Variants in MAP2 observed in about 807,000 individuals in gnomAD.
The protein encoded by MAP2 is microtubule-associated protein 2.
Under a neutral mutation model 137.6 loss-of-function variants are expected in MAP2, and 14 were observed. The ratio of observed to expected loss-of-function variants is 0.10; its 90% confidence interval spans 0.07 to 0.16. The LOEUF (loss-of-function observed/expected upper bound fraction) is 0.16. Among genes scored for constraint, MAP2 ranks in the 10% least tolerant of loss-of-function variants. MAP2 has a pLI of 1.00. For synonymous variants in MAP2, 786 were observed against 782.3 expected, an observed-to-expected ratio of 1.00 and a Z score of -0.08; for missense variants, 2,088 against 2,191.5, an observed-to-expected ratio of 0.95 and a Z score of 0.94.
chr2:209,662,246 T>C (rs1464928301), intron 5 of MAP2, among the ~76,000 whole-genome samples: 1 of 152,220 alleles, frequency 6.6e-6, no homozygotes, highest in African/African-American at 2.4e-5. Flanking sequence ...CACATGTACT[T>C]CTATGTGTGT....
intron 13 of MAP2, chr2:209,723,708 G>A (rs757572663): frequency 5.0e-6 from 8 of 1,587,266 alleles, no homozygotes; most frequent in Non-Finnish European, 6.9e-6. Context: ...GCGCCTTTTA[G>A]AAAGCTGTCC....
chr2:209,519,856 A>G lies in MAP2; in HGVS notation c.-172+12215A>G, dbSNP rs186106908. Among the ~76,000 whole-genome samples, 6 of 151,982 alleles carry G rather than the reference A, an allele frequency of 3.9e-5. No homozygotes were observed. In the East Asian group the frequency reaches 1.2e-3, roughly 29 times the overall value. On this transcript the variant is annotated intron_variant, in intron 2 of 15. Coordinates refer to ENST00000682079, the MANE Select transcript of MAP2 (RefSeq NM_001375505.1). ...GAAAGATTGAAGTAAGATGATCACT[A>G]CTCCTTCACACTCATAGTAACTTGA...
chr2:209,690,527 T>A (rs1397325896), intron 7 of MAP2: 1 of 1,121,726 alleles, frequency 8.9e-7, no homozygotes. Flanking sequence ...GAGCTGAAAG[T>A]GTTCCTTTAG....
chr2:209,483,859 C>CA (rs1226876628), intron 1 of MAP2, among the ~76,000 whole-genome samples: 25 of 152,062 alleles, frequency 1.6e-4, no homozygotes, highest in Admixed American at 1.2e-3. Flanking sequence ...TTAAATGGGA[C>CA]ACATGGAGCC....
intron 2 of MAP2, among the ~76,000 whole-genome samples, chr2:209,539,325 G>C (rs549034608): frequency 4.3e-4 from 65 of 152,282 alleles, no homozygotes; most frequent in African/African-American, 1.4e-3. Context: ...GTAGTGAATT[G>C]TTGGGTCTAA....
intron 1 of MAP2, among the ~76,000 whole-genome samples, chr2:209,462,278 G>A (rs1703013879): frequency 6.6e-6 from 1 of 152,120 alleles, no homozygotes; most frequent in Non-Finnish European, 1.5e-5. Context: ...ACCTTATCGG[G>A]CAAGATCAGA....
chr2:209,681,851 C>A (rs976421846), intron 7 of MAP2, among the ~76,000 whole-genome samples: 6 of 151,964 alleles, frequency 3.9e-5, no homozygotes, highest in African/African-American at 9.7e-5. Flanking sequence ...AATTAGTGAA[C>A]CATATATTAT....
At chr2:209,631,885 T>C (rs2093094318) in intron 4 of MAP2, among the ~76,000 whole-genome samples, 2 of 152,156 alleles carry the variant, frequency 1.3e-5, no homozygotes, top group African/African-American at 4.8e-5. Context: ...TCCATTTTAA[T>C]TGGATTATGT....
At chr2:209,461,895 C>T (rs762664819) in intron 1 of MAP2, among the ~76,000 whole-genome samples, 1 of 152,076 alleles carries the variant, frequency 6.6e-6, no homozygotes, top group Admixed American at 6.6e-5. Flanking sequence ...CTCTGAATTT[C>T]CCTTTTTCTT....
intron 2 of MAP2, among the ~76,000 whole-genome samples, chr2:209,554,032 G>A (rs2069877122): frequency 1.3e-5 from 2 of 152,132 alleles, no homozygotes; most frequent in African/African-American, 4.8e-5. Flanking sequence ...TATACACCGT[G>A]GACAAGGGAT....
At chr2:209,544,287 G>GT (rs1019651383) in intron 2 of MAP2, among the ~76,000 whole-genome samples, 1 of 151,844 alleles carries the variant, frequency 6.6e-6, no homozygotes, top group Non-Finnish European at 1.5e-5. Context: ...GTTTTGTTTT[G>GT]TTTTTTGTTT....
chr2:209,496,287 G>A (rs1263820678), intron 1 of MAP2, among the ~76,000 whole-genome samples: 1 of 152,084 alleles, frequency 6.6e-6, no homozygotes, highest in African/African-American at 2.4e-5. Context: ...CCCACAGTCT[G>A]GGCAGGCAGG....
chr2:209,646,694 T>C (rs1268344012), intron 4 of MAP2, among the ~76,000 whole-genome samples: 1 of 152,180 alleles, frequency 6.6e-6, no homozygotes, highest in Non-Finnish European at 1.5e-5. Flanking sequence ...TGATTGAAAA[T>C]TGGAATATGT....
chr2:209,520,193 G>A (rs754787953), intron 2 of MAP2, among the ~76,000 whole-genome samples: 18 of 151,998 alleles, frequency 1.2e-4, no homozygotes, highest in Non-Finnish European at 2.4e-4. Flanking sequence ...AATCACTTAG[G>A]TTGCACCCAG....
At chr2:209,692,545 C>A in intron 7 of MAP2, 80 bp from the exon 8 acceptor site, 3 of 1,439,832 alleles carry the variant, frequency 2.1e-6, no homozygotes, top group Non-Finnish European at 2.8e-6. Context: ...ATTCATTTAT[C>A]ACTTCAAAAT....
intron 2 of MAP2, among the ~76,000 whole-genome samples, chr2:209,515,666 A>G (rs2062389521): frequency 6.6e-6 from 1 of 152,138 alleles, no homozygotes. Context: ...ATTTGAGGTA[A>G]GATTTGGGTG....
chr2:209,609,831 G>A (rs548180139), intron 3 of MAP2, among the ~76,000 whole-genome samples: 52 of 152,192 alleles, frequency 3.4e-4, no homozygotes, highest in Middle Eastern at 6.8e-3. Flanking sequence ...TCCCAAAGTG[G>A]TATTCCTAGA....
At chr2:209,573,298 G>GGTTTTT (rs770132978) in intron 2 of MAP2, among the ~76,000 whole-genome samples, 3 of 120,064 alleles carry the variant, frequency 2.5e-5, no homozygotes, top group African/African-American at 9.9e-5. Flanking sequence ...TTCTTTTTCT[G>GGTTTTT]TTTTTTTTTT....
At chr2:209,606,894 A>G (rs1157926471) in intron 3 of MAP2, among the ~76,000 whole-genome samples, 1 of 152,218 alleles carries the variant, frequency 6.6e-6, no homozygotes, top group East Asian at 1.9e-4. Context: ...GTGACTTCAC[A>G]GTAAATGAAT....
Sources: allele counts gnomAD v4.1 joint callset (sites outside exome capture counted in the v4.1 genomes callset), GRCh38; gene constraint gnomAD v4.1.1; transcripts MANE v1.5; gene names NCBI Gene and HGNC (gene_info 2026-07-23, HGNC 2026-07-21).